Variants in ARB2A observed in about 807,000 individuals in gnomAD.
ARB2A encodes the protein cotranscriptional regulator ARB2A.
At chr5:93,994,105 A>C in the ARB2A span, among the ~76,000 whole-genome samples, 2 of 152,108 alleles carry the variant, frequency 1.3e-5, no homozygotes, top group South Asian at 2.1e-4. Flanking sequence ...AACAGTAAAG[A>C]GGTTCCTCAA....
chr5:93,717,835 CTTTTTTT>C, the ARB2A span, among the ~76,000 whole-genome samples: 2 of 136,328 alleles, frequency 1.5e-5, no homozygotes, highest in African/African-American at 5.4e-5. Flanking sequence ...AATTCATATT[CTTTTTTT>C]TTTTTTTTTT....
At chr5:93,787,569 C>T in the ARB2A span, among the ~76,000 whole-genome samples, 1 of 152,228 alleles carries the variant, frequency 6.6e-6, no homozygotes, top group East Asian at 1.9e-4. Context: ...TAAACTGAGA[C>T]AGTTTAAGAA....
the ARB2A span, among the ~76,000 whole-genome samples, chr5:93,869,144 T>G: frequency 6.6e-6 from 1 of 152,146 alleles, no homozygotes; most frequent in African/African-American, 2.4e-5. Flanking sequence ...AACATCAGAG[T>G]AATACACGAG....
At chr5:93,906,349 T>C in the ARB2A span, among the ~76,000 whole-genome samples, 2 of 151,580 alleles carry the variant, frequency 1.3e-5, no homozygotes, top group Admixed American at 6.6e-5. Context: ...ATGAACTAAA[T>C]TTGAATTCAG....
the ARB2A span, among the ~76,000 whole-genome samples, chr5:93,871,942 ATTTT>A: frequency 6.8e-6 from 1 of 147,622 alleles, no homozygotes; most frequent in Admixed American, 6.7e-5. Context: ...TGAGAAAGGA[ATTTT>A]TTCTTTTTTT....
chr5:93,744,712 G>A, the ARB2A span, among the ~76,000 whole-genome samples: 1 of 152,198 alleles, frequency 6.6e-6, no homozygotes, highest in African/African-American at 2.4e-5. Flanking sequence ...GTTGGAACAG[G>A]AATAGAGATC....
chr5:93,922,589 A>AAGGGG, the ARB2A span, among the ~76,000 whole-genome samples: 1 of 118,098 alleles, frequency 8.5e-6, no homozygotes, highest in Non-Finnish European at 1.8e-5. Context: ...AAGGGAAGGG[A>AAGGGG]AGGGGAGGGG....
chr5:93,672,318 C>CTT, the ARB2A span, among the ~76,000 whole-genome samples: 2 of 143,814 alleles, frequency 1.4e-5, no homozygotes, highest in African/African-American at 2.5e-5. Context: ...CACTAATGTT[C>CTT]TTTTTTTTTT....
At chr5:93,872,071 C>A in the ARB2A span, among the ~76,000 whole-genome samples, 1 of 151,700 alleles carries the variant, frequency 6.6e-6, no homozygotes, top group East Asian at 1.9e-4. Context: ...GCCTCAGCCT[C>A]CAGAGTAGCC....
At chr5:94,092,723 A>G in the ARB2A span, among the ~76,000 whole-genome samples, 1 of 152,166 alleles carries the variant, frequency 6.6e-6, no homozygotes, top group East Asian at 1.9e-4. Context: ...AAATGCTTTC[A>G]CCATGCCTAG....
chr5:93,722,287 A>T, the ARB2A span, among the ~76,000 whole-genome samples: 3 of 152,244 alleles, frequency 2.0e-5, no homozygotes, highest in African/African-American at 7.2e-5. Context: ...GATAATCTGA[A>T]TTTAAAATAT....
the ARB2A span, among the ~76,000 whole-genome samples, chr5:93,809,205 G>T: frequency 6.6e-6 from 1 of 151,916 alleles, no homozygotes; most frequent in Admixed American, 6.6e-5. Context: ...CCATTAAAAG[G>T]ATGTAGACAT....
At chr5:93,960,093 C>CCG in the ARB2A span, among the ~76,000 whole-genome samples, 5 of 143,282 alleles carry the variant, frequency 3.5e-5, no homozygotes, top group African/African-American at 5.4e-5. Flanking sequence ...CCCCCCCCCC[C>CCG]CCAAAAAAAG....
At chr5:93,803,380 T>C in the ARB2A span, among the ~76,000 whole-genome samples, 1 of 152,032 alleles carries the variant, frequency 6.6e-6, no homozygotes, top group Non-Finnish European at 1.5e-5. Context: ...GTTATTAATA[T>C]AGGCATAAAG....
At chr5:93,719,596 C>T in the ARB2A span, among the ~76,000 whole-genome samples, 1 of 152,206 alleles carries the variant, frequency 6.6e-6, no homozygotes, top group African/African-American at 2.4e-5. Context: ...ATCTTCCATG[C>T]ACTTTTTCAC....
the ARB2A span, among the ~76,000 whole-genome samples, chr5:93,646,121 C>A: frequency 3.6e-4 from 54 of 152,068 alleles, no homozygotes; most frequent in African/African-American, 9.6e-4. Flanking sequence ...TTTGTAGTAT[C>A]AGTAGTTCTT....
the ARB2A span, among the ~76,000 whole-genome samples, chr5:93,858,300 C>CAAGT: frequency 6.6e-6 from 1 of 152,206 alleles, no homozygotes; most frequent in South Asian, 2.1e-4. Flanking sequence ...AGAAGGAAAG[C>CAAGT]AAGTGTTCAG....
the ARB2A span, among the ~76,000 whole-genome samples, chr5:93,926,151 CAG>C: frequency 4.0e-5 from 6 of 148,970 alleles, no homozygotes; most frequent in East Asian, 5.9e-4. Context: ...TTTTTTGAGA[CAG>C]AGTTTTGCTC....
chr5:93,693,790 C>T, the ARB2A span, among the ~76,000 whole-genome samples: 2 of 152,140 alleles, frequency 1.3e-5, no homozygotes, highest in African/African-American at 4.8e-5. Flanking sequence ...CGAAAATCTT[C>T]AATAAAATAC....
Sources: allele counts gnomAD v4.1 joint callset (sites outside exome capture counted in the v4.1 genomes callset), GRCh38; gene constraint gnomAD v4.1.1; transcripts MANE v1.5; gene names NCBI Gene and HGNC (gene_info 2026-07-23, HGNC 2026-07-21).